The following DOCK2 variants were observed in gnomAD, a reference collection of about 807,000 sequenced individuals.
DOCK2 encodes dedicator of cytokinesis 2, also known as dedicator of cytokinesis protein 2.
A neutral mutation model predicts 248.9 loss-of-function variants in DOCK2; 87 were observed. That is an observed-to-expected ratio of 0.35 (90% CI 0.29 to 0.42). The LOEUF (loss-of-function observed/expected upper bound fraction) is 0.42, where lower values mean the gene tolerates loss of function less well. Ranked by LOEUF, DOCK2 falls within the 10% of genes least tolerant of loss-of-function variation. DOCK2 has a pLI of 1.00. For missense variants in DOCK2, 1,747 were observed against 2,300.2 expected (o/e 0.76, Z 4.92); for synonymous variants, 805 against 821.6 (o/e 0.98, Z 0.35).
chr5:170,019,216 G>T, intron 33 of DOCK2, 108 bp downstream of exon 33: 4 of 1,526,608 alleles, frequency 2.6e-6, no homozygotes, highest in Non-Finnish European at 3.6e-6. Context: ...AGGCTCGGCG[G>T]CAGGATAGGG....
chr5:169,645,288 C>T (rs1757394999), intron 1 of DOCK2, among the ~76,000 whole-genome samples: 1 of 152,220 alleles, frequency 6.6e-6, no homozygotes, highest in Admixed American at 6.5e-5. Flanking sequence ...CACAGCCTCA[C>T]CAGCATCTAT....
intron 25 of DOCK2, among the ~76,000 whole-genome samples, chr5:169,765,081 C>CACACAT (rs1205363224): frequency 4.0e-5 from 6 of 151,500 alleles, no homozygotes; most frequent in African/African-American, 1.5e-4. Context: ...CACACACACA[C>CACACAT]ACACACACAC....
intron 1 of DOCK2, among the ~76,000 whole-genome samples, chr5:169,649,800 T>A (rs914832555): frequency 4.0e-5 from 6 of 151,522 alleles, no homozygotes; most frequent in African/African-American, 1.5e-4. Flanking sequence ...TGCTAGGGAT[T>A]TTTTTTTCTT....
intron 8 of DOCK2, 90 bp downstream of exon 8, chr5:169,684,440 C>T: frequency 1.3e-6 from 2 of 1,490,846 alleles, no homozygotes; most frequent in East Asian, 2.3e-5. Flanking sequence ...GTGGAGCAAT[C>T]TCCACCTGGA....
rs1561583827 is a variant in DOCK2 at position 169,669,342 on chromosome 5, GT to G, written c.168+19del. On this transcript the variant is annotated intron_variant, in intron 3 of 51. Transcript: ENST00000520908. ...AAAATGTTACAGGTAAGGTCACCTGGTTTTTATTTGTGTCAGTACTGGAGGT... is the reference window on the plus strand; with the variant it reads ...AAAATGTTACAGGTAAGGTCACCTGGTTTTATTTGTGTCAGTACTGGAGGT... The G allele has an allele frequency of 6.2e-7, 1 of 1,614,060 alleles. No individual in the cohort carries two copies. Among genetic ancestry groups the G allele is most frequent in the East Asian group, 2.2e-5 (1 of 44,874 alleles).
intron 6 of DOCK2, 143 bp downstream of exon 6, chr5:169,674,588 T>G (rs1299050518): frequency 7.8e-7 from 1 of 1,281,038 alleles, no homozygotes; most frequent in Non-Finnish European, 1.1e-6. Flanking sequence ...TGGCTGTGCT[T>G]GCGTGCCGTT....
chr5:169,880,738 A>C (rs1772593044), intron 27 of DOCK2, among the ~76,000 whole-genome samples: 10 of 152,208 alleles, frequency 6.6e-5, no homozygotes, highest in Admixed American at 5.2e-4. Context: ...AGCCCAGATT[A>C]AGTTAGCTGA....
chr5:170,036,601 C>T, intron 36 of DOCK2, 46 bp downstream of exon 36: 1 of 1,594,186 alleles, frequency 6.3e-7, no homozygotes, highest in Non-Finnish European at 8.6e-7. Context: ...TGTCACTTTC[C>T]TGCTCAGTAT....
chr5:169,875,993 A>G (rs1029526084), intron 27 of DOCK2: 2 of 152,234 alleles, frequency 1.3e-5, no homozygotes, highest in Non-Finnish European at 2.9e-5. Context: ...AGAGCTGTAA[A>G]TCAGAGTGTC....
intron 27 of DOCK2, among the ~76,000 whole-genome samples, chr5:169,918,998 T>C (rs1775028716): frequency 6.6e-6 from 1 of 152,214 alleles, no homozygotes; most frequent in South Asian, 2.1e-4. Flanking sequence ...TATAAACCAG[T>C]AACAAGGGTT....
At chr5:169,861,435 A>G (rs1771189564) in intron 27 of DOCK2, among the ~76,000 whole-genome samples, 1 of 152,256 alleles carries the variant, frequency 6.6e-6, no homozygotes, top group African/African-American at 2.4e-5. Flanking sequence ...TTAAGTTCCA[A>G]GGATAGTGAG....
chr5:169,934,500 T>C (rs1293364497), intron 27 of DOCK2, among the ~76,000 whole-genome samples: 4 of 152,324 alleles, frequency 2.6e-5, no homozygotes, highest in African/African-American at 9.6e-5. Context: ...TGCTAGGAGA[T>C]GGAATGCTTA....
chr5:169,859,757 G>C (rs972942390), intron 27 of DOCK2, among the ~76,000 whole-genome samples: 13 of 152,114 alleles, frequency 8.5e-5, no homozygotes, highest in African/African-American at 2.7e-4. Context: ...AAATCATTTA[G>C]CCTTCCTTAA....
At chr5:169,802,442 G>GAGA (rs1431826258) in intron 25 of DOCK2, among the ~76,000 whole-genome samples, 1 of 152,200 alleles carries the variant, frequency 6.6e-6, no homozygotes. Flanking sequence ...GTCTGTACCA[G>GAGA]AGAAGAATGT....
chr5:170,001,490 G>A (rs544932514), intron 30 of DOCK2, among the ~76,000 whole-genome samples: 2 of 152,272 alleles, frequency 1.3e-5, no homozygotes, highest in African/African-American at 4.8e-5. Flanking sequence ...AGATAAACTG[G>A]ATTCAGATGC....
At position 169,759,687 on chromosome 5, in the gene DOCK2, A is replaced by G; in HGVS notation, c.2377-18A>G. 6.2e-7 allele frequency: 1 copy of G among 1,613,828 alleles called. No homozygotes were observed. Among genetic ancestry groups the G allele is most frequent in the Non-Finnish European group, 8.5e-7 (1 of 1,179,796 alleles). On this transcript the variant is annotated intron_variant, in intron 23 of 51. Transcript: ENST00000520908. ...GTTGATGTGAGGATCACTTATATGTATTTTACATTCCACCTAGGTGGCGGC... is the reference window on the plus strand; with the variant it reads ...GTTGATGTGAGGATCACTTATATGTGTTTTACATTCCACCTAGGTGGCGGC...
chr5:169,886,045 T>C (rs1772950921), intron 27 of DOCK2, among the ~76,000 whole-genome samples: 1 of 152,182 alleles, frequency 6.6e-6, no homozygotes, highest in South Asian at 2.1e-4. Flanking sequence ...CTGCATGATA[T>C]GTTGACAGTT....
intron 22 of DOCK2, among the ~76,000 whole-genome samples, chr5:169,729,868 A>G (rs1327874659): frequency 6.6e-6 from 1 of 152,172 alleles, no homozygotes; most frequent in Non-Finnish European, 1.5e-5. Context: ...GGGCAAAGTC[A>G]CTTCACCTCT....
intron 49 of DOCK2, chr5:170,079,376 C>T (rs1581580628): frequency 4.0e-6 from 2 of 505,018 alleles, no homozygotes; most frequent in East Asian, 7.5e-5. Context: ...CTGACCTTTG[C>T]ACTTCAGAGC....
Sources: allele counts gnomAD v4.1 joint callset (sites outside exome capture counted in the v4.1 genomes callset), GRCh38; gene constraint gnomAD v4.1.1; transcripts MANE v1.5; gene names NCBI Gene and HGNC (gene_info 2026-07-23, HGNC 2026-07-21).